The following CRCP variants were observed in gnomAD, a reference collection of about 807,000 sequenced individuals.
CRCP encodes DNA-directed RNA polymerase III subunit RPC9.
In CRCP, 18 loss-of-function variants were observed where a neutral mutation model predicts 18.5. That is an observed-to-expected ratio of 0.97 (90% CI 0.67 to 1.44). The LOEUF (loss-of-function observed/expected upper bound fraction) is 1.44. Ranked by LOEUF, CRCP falls within the 40% of genes most tolerant of loss-of-function variation. The pLI is 0.00. For missense variants in CRCP, 130 were observed against 176.4 expected (o/e 0.74, Z 1.49); for synonymous variants, 53 against 62.9 (o/e 0.84, Z 0.75).
rs192271324 is a variant in CRCP, at chr7:66,133,414, A to G, written c.145-866A>G. Among the ~76,000 whole-genome samples, 128 of 152,142 alleles carry G rather than the reference A, an allele frequency of 8.4e-4. 1 individual carries two copies. The South Asian group carries it at 0.013, about 15-fold the overall frequency. On this transcript the variant is annotated intron_variant, in intron 3 of 5. Coordinates refer to ENST00000395326, the MANE Select transcript of CRCP (RefSeq NM_014478.5). Reference sequence around the variant, plus strand: ...TCCCAGCTACTTGGGAGGCTGAAGCAGGAGAATGGTGTGAACCCAGGAGGC... The same window carrying G: ...TCCCAGCTACTTGGGAGGCTGAAGCGGGAGAATGGTGTGAACCCAGGAGGC...
rs185096270 is a variant in CRCP, at chr7:66,131,128, C to T, written c.144+286C>T. ...TAGCTGGGACTGCAGGCGCCCTCCA[C>T]CACGGCCAGCTGATTTTTTGTATTT... is the stretch of plus-strand genomic sequence containing the variant. On this transcript the variant is annotated intron_variant, in intron 3 of 5. Transcript: ENST00000395326. 2.8e-3 allele frequency among the ~76,000 whole-genome samples: 431 copies of T among 152,230 alleles called. 2 individuals are homozygous for T. Among genetic ancestry groups the T allele is most frequent in the Non-Finnish European group, 4.1e-3 (281 of 68,004 alleles).
At chr7:66,115,844 C>G (rs567355543) in intron 1 of CRCP, among the ~76,000 whole-genome samples, 5 of 152,318 alleles carry the variant, frequency 3.3e-5, no homozygotes, top group Non-Finnish European at 5.9e-5. Context: ...GGGTCTTGCT[C>G]TGTCCCCCAG....
At chr7:66,126,749 C>A in intron 1 of CRCP, 2 of 359,470 alleles carry the variant, frequency 5.6e-6, no homozygotes, top group Non-Finnish European at 1.1e-5. Flanking sequence ...GGTAGTTGCC[C>A]AGATAGTAGT....
chr7:66,140,234 C>A (rs1023469300), intron 4 of CRCP, among the ~76,000 whole-genome samples: 4 of 152,158 alleles, frequency 2.6e-5, no homozygotes, highest in African/African-American at 7.2e-5. Context: ...AGGATTGAGG[C>A]CCTGAGAGAA....
intron 1 of CRCP, among the ~76,000 whole-genome samples, chr7:66,121,423 A>G (rs1269391625): frequency 6.6e-6 from 1 of 151,810 alleles, no homozygotes; most frequent in East Asian, 1.9e-4. Flanking sequence ...TTTCTTGACC[A>G]TTACTTGGAA....
intron 5 of CRCP, 138 bp downstream of exon 5, chr7:66,145,638 C>T: frequency 2.5e-6 from 2 of 796,456 alleles, no homozygotes; most frequent in Non-Finnish European, 4.2e-6. Context: ...GAGACCTTGC[C>T]AGTTTGATCC....
chr7:66,137,822 T>A (rs1220122829), intron 4 of CRCP, among the ~76,000 whole-genome samples: 1 of 152,192 alleles, frequency 6.6e-6, no homozygotes, highest in Non-Finnish European at 1.5e-5. Context: ...TACCAGTTGG[T>A]GTATATAAGT....
At chr7:66,124,368 A>C (rs181737674) in intron 1 of CRCP, among the ~76,000 whole-genome samples, 1 of 152,290 alleles carries the variant, frequency 6.6e-6, no homozygotes, top group African/African-American at 2.4e-5. Context: ...TCAAAAAAAA[A>C]CTAAAAATAA....
intron 1 of CRCP, among the ~76,000 whole-genome samples, chr7:66,115,292 T>C (rs1030126561): frequency 2.0e-5 from 3 of 152,134 alleles, no homozygotes; most frequent in South Asian, 2.1e-4. Flanking sequence ...TGGAGCCCAG[T>C]CTGGTATCCG....
At chr7:66,140,081 A>G (rs1788088934) in intron 4 of CRCP, among the ~76,000 whole-genome samples, 1 of 152,220 alleles carries the variant, frequency 6.6e-6, no homozygotes, top group East Asian at 1.9e-4. Context: ...CTTCCAGGCT[A>G]CGCCTGTTGC....
chr7:66,138,750 G>A (rs1380223790), intron 4 of CRCP, among the ~76,000 whole-genome samples: 2 of 146,776 alleles, frequency 1.4e-5, no homozygotes, highest in Non-Finnish European at 3.0e-5. Context: ...GCCAAGATGC[G>A]CCACTGCACT....
intron 4 of CRCP, among the ~76,000 whole-genome samples, chr7:66,136,101 A>G (rs1387492531): frequency 1.3e-5 from 2 of 152,158 alleles, no homozygotes; most frequent in Non-Finnish European, 2.9e-5. Context: ...AAGTGGCTTG[A>G]TCATCTTCTG....
chr7:66,152,175 T>A, intron 5 of CRCP, 33 bp from the exon 6 acceptor site: 1 of 1,612,940 alleles, frequency 6.2e-7, no homozygotes, highest in Non-Finnish European at 8.5e-7. Flanking sequence ...AAGTTTCATT[T>A]GTAACCCTGG....
At chr7:66,132,752 T>C (rs1787846162) in intron 3 of CRCP, among the ~76,000 whole-genome samples, 2 of 151,318 alleles carry the variant, frequency 1.3e-5, no homozygotes, top group East Asian at 3.9e-4. Flanking sequence ...AAAGAAAAAA[T>C]ACAAAAAATT....
At chr7:66,122,408 A>G (rs1382481437) in intron 1 of CRCP, among the ~76,000 whole-genome samples, 1 of 149,040 alleles carries the variant, frequency 6.7e-6, no homozygotes, top group Non-Finnish European at 1.5e-5. Flanking sequence ...CACTGTTTGC[A>G]TGTGCCATTT....
At chr7:66,147,465 C>T (rs1478627675) in intron 5 of CRCP, among the ~76,000 whole-genome samples, 3 of 152,164 alleles carry the variant, frequency 2.0e-5, no homozygotes, top group African/African-American at 7.2e-5. Context: ...CAAGTGTCCT[C>T]TCCATTTTAG....
chr7:66,134,392 G>A lies in CRCP; in HGVS notation c.239+18G>A. ...TTGACCAAGTAAGTAAATCTCTTAA[G>A]TAGGAAGAGCGTGACACATGGTGAA... is the stretch of plus-strand genomic sequence containing the variant. On this transcript the variant is annotated intron_variant, in intron 4 of 5. Transcript: ENST00000395326. The A allele has an allele frequency of 6.6e-7, 1 of 1,517,734 alleles. No homozygotes were observed. Among genetic ancestry groups the A allele is most frequent in the Non-Finnish European group, 9.1e-7 (1 of 1,102,580 alleles). 94.0% of individuals were successfully genotyped at this position (1,517,734 alleles called of 1,614,324 possible). A position where few individuals can be genotyped will look rare whatever the true frequency, so the allele number is the denominator to read the frequency against.
intron 3 of CRCP, 116 bp from the exon 4 acceptor site, chr7:66,134,164 C>T: frequency 1.2e-6 from 1 of 830,808 alleles, no homozygotes; most frequent in South Asian, 1.5e-5. Context: ...CCAGCCTCTA[C>T]AGGATTTTTA....
chr7:66,138,807 A>T (rs951206893), intron 4 of CRCP, among the ~76,000 whole-genome samples: 7 of 151,098 alleles, frequency 4.6e-5, no homozygotes, highest in East Asian at 1.9e-4. Context: ...AAAAAAAAAA[A>T]TTTAAATAAA....
Sources: allele counts gnomAD v4.1 joint callset (sites outside exome capture counted in the v4.1 genomes callset), GRCh38; gene constraint gnomAD v4.1.1; transcripts MANE v1.5; gene names NCBI Gene and HGNC (gene_info 2026-07-23, HGNC 2026-07-21).